RORA: variants seen among roughly 807,000 people sequenced by gnomAD.
RORA encodes nuclear receptor ROR-alpha.
In RORA, 7 loss-of-function variants were observed where a neutral mutation model predicts 69.5. The ratio of observed to expected loss-of-function variants is 0.10; its 90% CI spans 0.06 to 0.19. The LOEUF is 0.19. Among genes scored for constraint, RORA ranks in the 10% least tolerant of loss-of-function variants. The pLI, the probability that RORA is intolerant of heterozygous loss-of-function variation, is 1.00. For missense variants in RORA, 457 were observed against 663.0 expected (o/e 0.69, Z 3.41); for synonymous variants, 261 against 240.8 (o/e 1.08, Z -0.78).
chr15:60,844,965 C>A (rs1373678164), intron 1 of RORA, among the ~76,000 whole-genome samples: 1 of 152,126 alleles, frequency 6.6e-6, no homozygotes, highest in Non-Finnish European at 1.5e-5. Flanking sequence ...TGGTAGGCAT[C>A]AGTTGTATAA....
intron 1 of RORA, chr15:61,176,451 G>A (rs2079630150): frequency 6.6e-6 from 1 of 152,106 alleles, no homozygotes; most frequent in African/African-American, 2.4e-5. Flanking sequence ...CTTTAAGCAT[G>A]CCAATCTGCA....
chr15:60,790,981 C>T (rs991739410), intron 1 of RORA, among the ~76,000 whole-genome samples: 5 of 152,110 alleles, frequency 3.3e-5, no homozygotes, highest in African/African-American at 1.2e-4. Context: ...ATTGCCCCCC[C>T]AAAAAGCTTC....
Position 60,531,410 on chromosome 15 carries a change from C to CTGGAGAT in RORA, c.282+349_282+355dup, listed in dbSNP as rs1244714925. 4 of 196,648 alleles carry CTGGAGAT rather than the reference C, an allele frequency of 2.0e-5. No homozygotes were observed. The highest frequency in any genetic ancestry group is 9.5e-5 in the African/African-American group (4 of 42,106). 12.2% of individuals were successfully genotyped at this position (196,648 alleles called of 1,614,324 possible). On this transcript the variant is annotated intron_variant, in intron 3 of 10. Coordinates refer to ENST00000335670, the MANE Select transcript of RORA (RefSeq NM_134261.3). The surrounding 1 kb of genome is among the most constrained non-coding windows in gnomAD (Gnocchi z 4.8). Reference sequence around the variant, plus strand: ...CTCAGTGACATTCCAATTAAACTTACTGGAGATGTCTTTTTATAAGCTTAT... The same window carrying CTGGAGAT: ...CTCAGTGACATTCCAATTAAACTTACTGGAGATTGGAGATGTCTTTTTATAAGCTTAT...
At chr15:60,891,345 G>C (rs2073811076) in intron 1 of RORA, among the ~76,000 whole-genome samples, 1 of 152,188 alleles carries the variant, frequency 6.6e-6, no homozygotes, top group African/African-American at 2.4e-5. Flanking sequence ...GAGGGTGAAA[G>C]GACAGTGAAG....
At position 60,740,055 on chromosome 15, in the gene RORA, A is replaced by T. The variant is rs112562373; in HGVS notation, c.167-61369T>A. On this transcript the variant is annotated intron_variant, in intron 1 of 10. Coordinates refer to ENST00000335670, the MANE Select transcript of RORA (RefSeq NM_134261.3). ...CCTCACCTGACTCCTCTCTTCTATT[A>T]GAAAGGAGAGAAAGGGAGCGGGGGA... Among the ~76,000 whole-genome samples, 440 of 152,262 alleles carry T rather than the reference A, an allele frequency of 2.9e-3. 2 individuals carry two copies. Among genetic ancestry groups the T allele is most frequent in the African/African-American group, 1.0e-2 (414 of 41,560 alleles).
chr15:60,503,814 T>C, intron 6 of RORA, 147 bp from the exon 7 acceptor site: 2 of 954,240 alleles, frequency 2.1e-6, no homozygotes, highest in Non-Finnish European at 3.0e-6. Flanking sequence ...TATTTTATTT[T>C]ATTTTTGAGA....
At chr15:60,627,227 G>A (rs150641143) in intron 2 of RORA, 1 of 1,613,894 alleles carries the variant, frequency 6.2e-7, no homozygotes, top group East Asian at 2.2e-5. Flanking sequence ...CTTGCTCTCA[G>A]TGGCTCTTAC....
intron 1 of RORA, among the ~76,000 whole-genome samples, chr15:60,939,643 C>T (rs1190010846): frequency 6.6e-6 from 1 of 152,238 alleles, no homozygotes; most frequent in Non-Finnish European, 1.5e-5. Context: ...CCTTCACAAC[C>T]TTTTGTTCCC....
rs1464462875 is a variant in RORA, at chr15:60,490,435, A to G, written c.*7020T>C. 3 of 152,140 alleles carry G rather than the reference A, an allele frequency of 2.0e-5. No homozygotes were observed. Among genetic ancestry groups the G allele is most frequent in the African/African-American group, 7.2e-5 (3 of 41,440 alleles). 9.4% of individuals were successfully genotyped at this position (152,140 alleles called of 1,614,324 possible). ...GCACTGAGTAGGCTGTTTATAATAT[A>G]ACATTTTCTTATCTATACAGAATGA... On this transcript the variant is annotated 3_prime_UTR_variant, in exon 11 of 11. Transcript: ENST00000335670. This position sits in a 1 kb window ranked among gnomAD's most constrained non-coding sequence, Gnocchi z 4.1.
In RORA at chr15:60,905,376, C is replaced by T. The variant is rs1007933057; in HGVS notation, c.167-226690G>A. Among the ~76,000 whole-genome samples, 1 of 152,172 alleles carries T rather than the reference C, an allele frequency of 6.6e-6. No homozygotes were observed. Among genetic ancestry groups the T allele is most frequent in the Non-Finnish European group, 1.5e-5 (1 of 68,038 alleles). On this transcript the variant is annotated intron_variant, in intron 1 of 10. Coordinates refer to ENST00000335670, the MANE Select transcript of RORA (RefSeq NM_134261.3). The surrounding 1 kb of genome is among the most constrained non-coding windows in gnomAD (Gnocchi z 4.8). ...TGCAATTCTTAAGAAATGTCAAAGA[C>T]AGCTCATTAGATCAACTTTTTTTTC...
At chr15:60,830,025 T>C (rs1055587953) in intron 1 of RORA, among the ~76,000 whole-genome samples, 6 of 152,162 alleles carry the variant, frequency 3.9e-5, no homozygotes, top group Non-Finnish European at 8.8e-5. Flanking sequence ...TTTAAAGATA[T>C]CCCACTGAGC....
chr15:60,587,553 T>C (rs575895071), intron 2 of RORA, among the ~76,000 whole-genome samples: 38 of 152,318 alleles, frequency 2.5e-4, no homozygotes, highest in Non-Finnish European at 4.7e-4. Context: ...CATCAGTCAC[T>C]GATGGGACTA....
intron 1 of RORA, among the ~76,000 whole-genome samples, chr15:60,915,578 T>C (rs1298457182): frequency 2.0e-5 from 3 of 152,246 alleles, no homozygotes; most frequent in African/African-American, 7.2e-5. Context: ...TAGCCACATA[T>C]GCCTACTGAG....
chr15:60,842,001 A>C (rs891209859), intron 1 of RORA, among the ~76,000 whole-genome samples: 13 of 151,806 alleles, frequency 8.6e-5, no homozygotes, highest in African/African-American at 2.4e-4. Context: ...CTCGCACTAC[A>C]GTTTGGGTCA....
intron 2 of RORA, among the ~76,000 whole-genome samples, chr15:60,599,494 T>C (rs924826634): frequency 2.0e-5 from 3 of 152,192 alleles, no homozygotes; most frequent in Non-Finnish European, 2.9e-5. Context: ...GAGGCTGCAG[T>C]GAGCTGAGAT....
rs571390006 is a variant in RORA, at chr15:60,704,587, C to A, written c.167-25901G>T. Among the ~76,000 whole-genome samples, 7 of 152,010 alleles carry A rather than the reference C, an allele frequency of 4.6e-5. No individual in the cohort carries two copies. In the East Asian group the frequency reaches 1.2e-3, roughly 25 times the overall value. The stretch of plus-strand genomic sequence containing the variant: ...CTTTCAGAGAGGAGTGTTAACCTCC[C>A]AAAATGAAATAAAATATAAAAGGAA... On this transcript the variant is annotated intron_variant, in intron 1 of 10. Coordinates refer to ENST00000335670, the MANE Select transcript of RORA (RefSeq NM_134261.3).
rs138689923 is a variant in RORA at position 60,919,823 on chromosome 15, T to C, written c.167-241137A>G. The stretch of plus-strand genomic sequence containing the variant: ...CTGATATCTGCTTTTGTTTTATATA[T>C]TGTTTTGATCTTTTTGTACCTATGT... On this transcript the variant is annotated intron_variant, in intron 1 of 10. Transcript: ENST00000335670. 3.9e-5 allele frequency among the ~76,000 whole-genome samples: 6 copies of C among 152,370 alleles called. No individual in the cohort carries two copies. The East Asian group carries it at 9.6e-4, about 24-fold the overall frequency.
At chr15:60,833,808 A>T (rs961386024) in intron 1 of RORA, among the ~76,000 whole-genome samples, 19 of 152,204 alleles carry the variant, frequency 1.2e-4, no homozygotes, top group Admixed American at 1.2e-3. Flanking sequence ...ATAGCTTAGG[A>T]GTTAGAAGAT....
intron 1 of RORA, among the ~76,000 whole-genome samples, chr15:61,111,490 T>G (rs1037662511): frequency 1.9e-4 from 29 of 152,222 alleles, no homozygotes; most frequent in African/African-American, 7.0e-4. Flanking sequence ...ATACGGCTCT[T>G]GAGTGGTAAC....
Sources: gnomAD v4.1 joint callset for allele counts (sites outside exome capture counted in the v4.1 genomes callset) on GRCh38, gnomAD v4.1.1 for gene constraint, Gnocchi (gnomAD v3.1) non-coding constraint, MANE v1.5 for transcripts, NCBI Gene and HGNC (gene_info 2026-07-23, HGNC 2026-07-21) for gene names.